HNRNPR: variants seen among roughly 807,000 people sequenced by gnomAD.
HNRNPR encodes heterogeneous nuclear ribonucleoprotein R.
In HNRNPR, 4 loss-of-function variants were observed where a neutral mutation model predicts 70.3. The ratio of observed to expected loss-of-function variants is 0.06; its 90% CI spans 0.03 to 0.13. HNRNPR has a LOEUF of 0.13. HNRNPR is among the 10% of genes least tolerant of loss of function. The pLI is 1.00. For synonymous variants in HNRNPR, 241 were observed against 267.6 expected, an observed-to-expected ratio of 0.90 and a Z score of 0.97; for missense variants, 423 against 788.5, an observed-to-expected ratio of 0.54 and a Z score of 5.55.
chr1:23,332,493 AT>A (rs1192451893), intron 5 of HNRNPR, among the ~76,000 whole-genome samples: 8 of 150,574 alleles, frequency 5.3e-5, no homozygotes, highest in Non-Finnish European at 1.0e-4. Flanking sequence ...ACCTGAGGTC[AT>A]GAGTTCAAGA....
rs991241590 is a variant in HNRNPR, at chr1:23,307,484, C to A, written c.*2970G>T. 3 of 151,876 alleles carry A rather than the reference C, an allele frequency of 2.0e-5. No individual in the cohort carries two copies. Among genetic ancestry groups the A allele is most frequent in the Admixed American group, 6.6e-5 (1 of 15,238 alleles). 9.4% of individuals were successfully genotyped at this position (151,876 alleles called of 1,614,324 possible). Reference sequence around the variant, plus strand: ...CATTGGGCTTTCTTATGCAGAATAACCCCAGTAACTAAAAAAACCTGAAAA... The same window carrying A: ...CATTGGGCTTTCTTATGCAGAATAAACCCAGTAACTAAAAAAACCTGAAAA... On this transcript the variant is annotated 3_prime_UTR_variant, in exon 11 of 11. Transcript: ENST00000302271.
At chr1:23,326,295 A>G (rs1645972622) in intron 5 of HNRNPR, among the ~76,000 whole-genome samples, 2 of 152,168 alleles carry the variant, frequency 1.3e-5, no homozygotes, top group Non-Finnish European at 2.9e-5. Flanking sequence ...CATCTATGGC[A>G]TCATCACAAC....
rs1645314772 is a variant in HNRNPR at position 23,311,038 on chromosome 1, G to A, written c.1318C>T (p.Pro440Ser). 1 of 1,614,190 alleles carries A rather than the reference G, an allele frequency of 6.2e-7. No homozygotes were observed. Among genetic ancestry groups the A allele is most frequent in the Non-Finnish European group, 8.5e-7 (1 of 1,180,026 alleles). The change falls in exon 11 of 11, where the codon CCT (proline) becomes TCT (serine). Residue 440 changes from proline to serine, a missense_variant. Transcript: ENST00000302271. ...AYEDYYYHPPPRMPPPIRGRG... is the reference protein window; with the variant it reads ...AYEDYYYHPPSRMPPPIRGRG... The stretch of plus-strand genomic sequence containing the variant: ...CCTCTAATTGGAGGTGGCATGCGAG[G>A]AGGAGGGTGGTAGTAATAATCTTCA...
In HNRNPR at chr1:23,310,640, C is replaced by T; in HGVS notation, c.1716G>A (p.Lys572=). 1 of 1,613,940 alleles carries T rather than the reference C, an allele frequency of 6.2e-7. No homozygotes were observed. Among genetic ancestry groups the T allele is most frequent in the Non-Finnish European group, 8.5e-7 (1 of 1,179,886 alleles). The change falls in exon 11 of 11, where the codon AAG becomes AAA. Residue 572 remains lysine (K), a synonymous_variant. Transcript: ENST00000302271. The surrounding 1 kb of genome is among the most constrained non-coding windows in gnomAD (Gnocchi z 6.0). ...RGNRGGNVGG[K]RKADGYNQPD... is the part of the protein sequence containing the mutation. ...GCTGGTTGTACCCATCTGCCTTTCT[C>T]TTGCCTCCTACATTGCCCCCACGAT... is the stretch of plus-strand genomic sequence containing the variant.
intron 7 of HNRNPR, among the ~76,000 whole-genome samples, chr1:23,319,523 C>G (rs1361987801): frequency 6.6e-6 from 1 of 152,156 alleles, no homozygotes; most frequent in Non-Finnish European, 1.5e-5. Flanking sequence ...TTACCCTAGT[C>G]TAATCCTGTA....
chr1:23,341,855 G>A (rs982512342), intron 1 of HNRNPR, among the ~76,000 whole-genome samples: 1 of 152,258 alleles, frequency 6.6e-6, no homozygotes, highest in East Asian at 1.9e-4. Flanking sequence ...AGATTTCTCA[G>A]ATTAACCTAT....
intron 1 of HNRNPR, among the ~76,000 whole-genome samples, chr1:23,341,696 G>C (rs1427625524): frequency 6.6e-6 from 1 of 151,952 alleles, no homozygotes; most frequent in Non-Finnish European, 1.5e-5. Flanking sequence ...AATACTAAGT[G>C]AGCTATAGTT....
intron 1 of HNRNPR, 140 bp from the exon 2 acceptor site, chr1:23,341,157 T>C (rs1646691394): frequency 1.7e-6 from 1 of 603,966 alleles, no homozygotes; most frequent in Admixed American, 3.4e-5. Flanking sequence ...CCTCCTGTGA[T>C]GTATCTGACC....
chr1:23,344,126 A>G (rs1318840237), intron 1 of HNRNPR, 85 bp downstream of exon 1: 1 of 151,914 alleles, frequency 6.6e-6, no homozygotes, highest in Non-Finnish European at 1.5e-5. Context: ...GCGCAAACGA[A>G]ACGGGACCAG....
rs1645200642 is a variant in HNRNPR at position 23,306,237 on chromosome 1, T to C, written c.*4217A>G. On this transcript the variant is annotated 3_prime_UTR_variant, in exon 11 of 11. Coordinates refer to ENST00000302271, the MANE Select transcript of HNRNPR (RefSeq NM_005826.5). The stretch of plus-strand genomic sequence containing the variant: ...GCCTTTCCTGCTGATCTGCTACCAA[T>C]TTAAAAGTAAGTGAAGTGTTATTAT... The C allele has an allele frequency of 6.6e-6, 1 of 152,148 alleles. No homozygotes were observed. The highest frequency in any genetic ancestry group is 2.4e-5 in the African/African-American group (1 of 41,420). The allele number at this position is 152,148 out of a possible 1,614,324, so 9.4% of individuals were successfully genotyped here.
At chr1:23,320,430 G>C (rs1645711214) in intron 7 of HNRNPR, among the ~76,000 whole-genome samples, 4 of 152,194 alleles carry the variant, frequency 2.6e-5, no homozygotes, top group Admixed American at 2.6e-4. Flanking sequence ...GGTAGACATA[G>C]AAGTAGGTAG....
At chr1:23,325,676 G>A (rs754988767) in intron 5 of HNRNPR, among the ~76,000 whole-genome samples, 1 of 151,972 alleles carries the variant, frequency 6.6e-6, no homozygotes, top group African/African-American at 2.4e-5. Context: ...CAATAAATAA[G>A]CCCATTTCTT....
intron 5 of HNRNPR, among the ~76,000 whole-genome samples, chr1:23,325,799 A>T (rs992481379): frequency 1.3e-5 from 2 of 152,158 alleles, no homozygotes; most frequent in African/African-American, 4.8e-5. Flanking sequence ...CAATCCAAAA[A>T]CAAAACACAA....
chr1:23,321,564 T>G lies in HNRNPR; in HGVS notation c.775A>C (p.Lys259Gln), dbSNP rs1417912431. 1 of 1,613,556 alleles carries G rather than the reference T, an allele frequency of 6.2e-7. No homozygotes were observed. The highest frequency in any genetic ancestry group is 1.3e-5 in the African/African-American group (1 of 74,940). The change falls in exon 7 of 11, where the codon AAA (lysine) becomes CAA (glutamine). Residue 259 changes from lysine to glutamine, a missense_variant. Around this residue, in one of 7 missense-constraint regions of HNRNPR, gnomAD observed 118 missense variants for 239.3 expected, o/e 0.49. Coordinates refer to ENST00000302271, the MANE Select transcript of HNRNPR (RefSeq NM_005826.5). ...FVGSIPKNKTKENILEEFSKV... is the reference protein window; with the variant it reads ...FVGSIPKNKTQENILEEFSKV... ...CTGAATTCTTCCAAAATGTTTTCTT[T>G]AGTCTTATTCTTCGGAATGGATCCA...
chr1:23,326,198 GT>G lies in HNRNPR; in HGVS notation c.499-2467del, dbSNP rs200562309. ...CCTGTTTTGAACACGCCATCCGTAC[GT>G]TTTTTTTTTTACTCACACAGTTATT... On this transcript the variant is annotated intron_variant, in intron 5 of 10. Coordinates refer to ENST00000302271, the MANE Select transcript of HNRNPR (RefSeq NM_005826.5). Among the ~76,000 whole-genome samples, 342 of 147,812 alleles carry G rather than the reference GT, an allele frequency of 2.3e-3. 5 individuals carry two copies. The highest frequency in any genetic ancestry group is 0.015 in the Admixed American group (222 of 14,846).
chr1:23,334,023 CTT>C (rs751552394), intron 4 of HNRNPR, among the ~76,000 whole-genome samples: 67 of 151,946 alleles, frequency 4.4e-4, no homozygotes, highest in Admixed American at 5.2e-4. Context: ...AAGAGATTCT[CTT>C]GTCTCAGCCT....
At chr1:23,329,529 T>G (rs530978292) in intron 5 of HNRNPR, among the ~76,000 whole-genome samples, 29 of 152,362 alleles carry the variant, frequency 1.9e-4, no homozygotes, top group African/African-American at 7.0e-4. Flanking sequence ...TAACATTTCT[T>G]TCTTCACTCA....
At chr1:23,341,633 A>C (rs2148500300) in intron 1 of HNRNPR, among the ~76,000 whole-genome samples, 1 of 152,336 alleles carries the variant, frequency 6.6e-6, no homozygotes, top group East Asian at 1.9e-4. Flanking sequence ...CACAGATTTA[A>C]AAGAAAAAAT....
chr1:23,327,323 A>G (rs1478949021), intron 5 of HNRNPR, among the ~76,000 whole-genome samples: 2 of 152,234 alleles, frequency 1.3e-5, no homozygotes, highest in African/African-American at 2.4e-5. Context: ...GATTCTAGAA[A>G]TATAGTGACT....
Sources: allele counts gnomAD v4.1 joint callset (sites outside exome capture counted in the v4.1 genomes callset), GRCh38; gene constraint gnomAD v4.1.1; regional missense constraint gnomAD v4.1.1; non-coding constraint Gnocchi (gnomAD v3.1); transcripts MANE v1.5; gene names NCBI Gene and HGNC (gene_info 2026-07-23, HGNC 2026-07-21).